PDIK1L: variants seen among roughly 807,000 people sequenced by gnomAD.
The protein encoded by PDIK1L is serine/threonine-protein kinase PDIK1L.
In PDIK1L, 9 loss-of-function variants were observed where a neutral mutation model predicts 27.1. The observed-to-expected ratio is 0.33, with a 90% confidence interval of 0.20 to 0.58. The LOEUF (loss-of-function observed/expected upper bound fraction) is 0.58. PDIK1L is among the 20% of genes least tolerant of loss of function. PDIK1L has a pLI of 0.86. For missense variants in PDIK1L, 216 were observed against 413.2 expected (o/e 0.52, Z 4.14); for synonymous variants, 130 against 141.7 (o/e 0.92, Z 0.59).
chr1:26,122,613 GC>G lies in PDIK1L; in HGVS notation c.*37del. On this transcript the variant is annotated 3_prime_UTR_variant, in exon 3 of 3. Coordinates refer to ENST00000374269, the MANE Select transcript of PDIK1L (RefSeq NM_152835.5). The surrounding 1 kb of genome is among the most constrained non-coding windows in gnomAD (Gnocchi z 5.4). ...TTGCAAATACCATGGATGATATGCT[GC>G]TTCTGTTTAACAGTGATGCAACATT... 1 of 1,561,142 alleles carries G rather than the reference GC, an allele frequency of 6.4e-7. No individual in the cohort carries two copies. The highest frequency in any genetic ancestry group is 2.2e-5 in the East Asian group (1 of 44,450).
intron 2 of PDIK1L, 103 bp from the exon 3 acceptor site, chr1:26,121,734 A>G: frequency 8.3e-7 from 1 of 1,206,078 alleles, no homozygotes; most frequent in Non-Finnish European, 1.1e-6. Flanking sequence ...TAGAGTTTCC[A>G]CTTAAAGGTG....
chr1:26,115,889 CTT>C (rs1424043792), intron 2 of PDIK1L, among the ~76,000 whole-genome samples: 5 of 151,854 alleles, frequency 3.3e-5, no homozygotes, highest in South Asian at 2.1e-4. Flanking sequence ...TACCATCAGA[CTT>C]TTACCATTTA....
chr1:26,116,810 G>T (rs1403955843), intron 2 of PDIK1L, among the ~76,000 whole-genome samples: 1 of 151,886 alleles, frequency 6.6e-6, no homozygotes, highest in Non-Finnish European at 1.5e-5. Flanking sequence ...CCGCCTCCCG[G>T]GTTCAAGCAG....
In PDIK1L at chr1:26,124,882, C is replaced by T. The variant is rs2088051370; in HGVS notation, c.*2305C>T. 1 of 152,262 alleles carries T rather than the reference C, an allele frequency of 6.6e-6. No homozygotes were observed. Among genetic ancestry groups the T allele is most frequent in the African/African-American group, 2.4e-5 (1 of 41,460 alleles). 9.4% of individuals were successfully genotyped at this position (152,262 alleles called of 1,614,324 possible). ...AATGGCATTTAGCCAAAGGCCTTTTCAGCCAGGAGTAAGAAAAGATGGTTA... is the reference window on the plus strand; with the variant it reads ...AATGGCATTTAGCCAAAGGCCTTTTTAGCCAGGAGTAAGAAAAGATGGTTA... On this transcript the variant is annotated 3_prime_UTR_variant, in exon 3 of 3. Coordinates refer to ENST00000374269, the MANE Select transcript of PDIK1L (RefSeq NM_152835.5).
chr1:26,116,960 C>A (rs1171752369), intron 2 of PDIK1L, among the ~76,000 whole-genome samples: 2 of 151,766 alleles, frequency 1.3e-5, no homozygotes, highest in African/African-American at 4.8e-5. Flanking sequence ...AGGTGATCCA[C>A]CCACCTCGGC....
At position 26,125,504 on chromosome 1, in the gene PDIK1L, CTTTTT is replaced by C. The variant is rs201344559; in HGVS notation, c.*2933_*2937del. The C allele has an allele frequency of 1.2e-4, 17 of 145,684 alleles. No individual in the cohort carries two copies. Among genetic ancestry groups the C allele is most frequent in the African/African-American group, 4.1e-4 (16 of 39,438 alleles). 9.0% of individuals were successfully genotyped at this position (145,684 alleles called of 1,614,324 possible). ...AATGATTGTAATTTATTGTTCATGA[CTTTTT>C]TTTTTAAATAAAGTGAGTTTCAACA... On this transcript the variant is annotated 3_prime_UTR_variant, in exon 3 of 3. Coordinates refer to ENST00000374269, the MANE Select transcript of PDIK1L (RefSeq NM_152835.5).
At chr1:26,116,912 C>T (rs1382138274) in intron 2 of PDIK1L, among the ~76,000 whole-genome samples, 1 of 150,972 alleles carries the variant, frequency 6.6e-6, no homozygotes, top group Non-Finnish European at 1.5e-5. Context: ...GATGAGATTT[C>T]ACCATGTGGA....
chr1:26,112,119 G>T (rs935572022), intron 1 of PDIK1L, among the ~76,000 whole-genome samples: 1 of 152,138 alleles, frequency 6.6e-6, no homozygotes, highest in Non-Finnish European at 1.5e-5. Flanking sequence ...CCCCAGCCCC[G>T]AGGAGTTGAG....
At position 26,124,010 on chromosome 1, in the gene PDIK1L, A is replaced by G. The variant is rs1320724416; in HGVS notation, c.*1433A>G. The G allele has an allele frequency of 2.6e-5, 4 of 152,644 alleles. No individual in the cohort carries two copies. The highest frequency in any genetic ancestry group is 9.6e-5 in the African/African-American group (4 of 41,464). The allele number at this position is 152,644 out of a possible 1,614,324, so 9.5% of individuals were successfully genotyped here. A position where few individuals can be genotyped will look rare whatever the true frequency, so the allele number is the denominator to read the frequency against. On this transcript the variant is annotated 3_prime_UTR_variant, in exon 3 of 3. Coordinates refer to ENST00000374269, the MANE Select transcript of PDIK1L (RefSeq NM_152835.5). ...GTTAAATAGACTTTACATTGTATCT[A>G]AGTTAATCTTTATAAAGCACTAGAA...
chr1:26,118,089 T>C (rs530699526), intron 2 of PDIK1L, among the ~76,000 whole-genome samples: 80 of 151,124 alleles, frequency 5.3e-4, no homozygotes, highest in African/African-American at 1.8e-3. Context: ...AGAACCTTGC[T>C]GAACTTTACA....
rs11316360 is a variant in PDIK1L at position 26,120,950 on chromosome 1, CAAAAAA to C, written c.286-873_286-868del. On this transcript the variant is annotated intron_variant, in intron 2 of 2. Coordinates refer to ENST00000374269, the MANE Select transcript of PDIK1L (RefSeq NM_152835.5). ...CTGGTGACAGAGCAAGACTCCGTCT[CAAAAAA>C]AAAAAAAAAAAAAGACTATGTACTG... Among the ~76,000 whole-genome samples, 956 of 96,304 alleles carry C rather than the reference CAAAAAA, an allele frequency of 9.9e-3. 10 individuals are homozygous for C. The highest frequency in any genetic ancestry group is 0.034 in the African/African-American group (900 of 26,170). 63.2% of individuals were successfully genotyped at this position (96,304 alleles called of 152,430 possible).
At chr1:26,111,795 G>C (rs552721568), upstream of PDIK1L, 21 of 151,870 alleles carry the variant, frequency 1.4e-4, no homozygotes, top group African/African-American at 4.6e-4. This position sits in a 1 kb window ranked among gnomAD's most constrained non-coding sequence, Gnocchi z 4.0. Flanking sequence ...GTGTGTCCGC[G>C]CGCACCACGG....
chr1:26,111,707 G>C (rs931445817), upstream of PDIK1L: 1 of 151,608 alleles, frequency 6.6e-6, no homozygotes, highest in Non-Finnish European at 1.5e-5. This position sits in a 1 kb window ranked among gnomAD's most constrained non-coding sequence, Gnocchi z 4.0. Context: ...CGCCGGCCGC[G>C]CGCCTCGTCG....
intron 1 of PDIK1L, among the ~76,000 whole-genome samples, chr1:26,112,189 A>G (rs1433832801): frequency 2.0e-5 from 3 of 152,206 alleles, no homozygotes; most frequent in East Asian, 3.9e-4. Flanking sequence ...TCCGGGCTTC[A>G]TCTGAGCACG....
Position 26,122,742 on chromosome 1 carries a change from C to A in PDIK1L, c.*165C>A. The A allele has an allele frequency of 3.8e-6, 3 of 786,022 alleles. No individual in the cohort carries two copies. The highest frequency in any genetic ancestry group is 3.2e-5 in the South Asian group (1 of 31,624). The allele number at this position is 786,022 out of a possible 1,614,324, so 48.7% of individuals were successfully genotyped here. On this transcript the variant is annotated 3_prime_UTR_variant, in exon 3 of 3. Transcript: ENST00000374269. The surrounding 1 kb of genome is among the most constrained non-coding windows in gnomAD (Gnocchi z 5.4). ...TCATTTTTCTTAAATCCAAGTTGGCCGTTTTATTAGTATGTTTCAAATGTG... is the reference window on the plus strand; with the variant it reads ...TCATTTTTCTTAAATCCAAGTTGGCAGTTTTATTAGTATGTTTCAAATGTG...
rs1259810756 is a variant in PDIK1L at position 26,121,820 on chromosome 1, T to C, written c.286-17T>C. ...ACCTATGCAAATGATTGTAATCTTT[T>C]TTCTTCCTTCTTGTAGCTTGTAGAA... is the stretch of plus-strand genomic sequence containing the variant. On this transcript the variant is annotated splice_polypyrimidine_tract_variant and intron_variant, in intron 2 of 2. Coordinates refer to ENST00000374269, the MANE Select transcript of PDIK1L (RefSeq NM_152835.5). The C allele has an allele frequency of 6.3e-7, 1 of 1,586,064 alleles. No individual in the cohort carries two copies. Among genetic ancestry groups the C allele is most frequent in the South Asian group, 1.1e-5 (1 of 87,540 alleles).
At chr1:26,113,180 CTTACT>C (rs1407258266) in intron 1 of PDIK1L, among the ~76,000 whole-genome samples, 2 of 152,204 alleles carry the variant, frequency 1.3e-5, no homozygotes, top group African/African-American at 4.8e-5. Flanking sequence ...ATCCAAGTAG[CTTACT>C]TTATTTTTAA....
At position 26,114,906 on chromosome 1, in the gene PDIK1L, A is replaced by G. The variant is rs2087854022; in HGVS notation, c.285+313A>G. ...AGTCTAATAACTTCATTTCTTTGAA[A>G]TCAATAATTTTGGACTTGAGGACAG... On this transcript the variant is annotated intron_variant, in intron 2 of 2. Transcript: ENST00000374269. The surrounding 1 kb of genome is among the most constrained non-coding windows in gnomAD (Gnocchi z 4.8). 1.3e-5 allele frequency among the ~76,000 whole-genome samples: 2 copies of G among 152,234 alleles called. No homozygotes were observed. The highest frequency in any genetic ancestry group is 2.4e-5 in the African/African-American group (1 of 41,466).
At chr1:26,116,689 C>T (rs2087882179) in intron 2 of PDIK1L, among the ~76,000 whole-genome samples, 2 of 152,138 alleles carry the variant, frequency 1.3e-5, no homozygotes, top group African/African-American at 2.4e-5. Context: ...TGCAGTTTAG[C>T]ACTCTGTGCC....
Sources: gnomAD v4.1 joint callset for allele counts (sites outside exome capture counted in the v4.1 genomes callset) on GRCh38, gnomAD v4.1.1 for gene constraint, Gnocchi (gnomAD v3.1) non-coding constraint, MANE v1.5 for transcripts, NCBI Gene and HGNC (gene_info 2026-07-23, HGNC 2026-07-21) for gene names.